Variants in RYR1 observed in about 807,000 individuals in gnomAD.
RYR1 encodes the protein ryanodine receptor 1.
Under a neutral mutation model 583.5 loss-of-function variants are expected in RYR1, and 342 were observed. That is an observed-to-expected ratio of 0.59 (90% CI 0.54 to 0.64). The LOEUF (loss-of-function observed/expected upper bound fraction) is 0.64. Among genes scored for constraint, RYR1 ranks in the 30% least tolerant of loss-of-function variants. RYR1 has a pLI of 0.00. For missense variants in RYR1, 6,032 were observed against 6,917.2 expected (o/e 0.87, Z 4.54); for synonymous variants, 2,791 against 2,822.5 (o/e 0.99, Z 0.35).
At position 38,437,448 on chromosome 19, in the gene RYR1, T is replaced by C. The variant is rs1213369646; in HGVS notation, c.46-3297T>C. ...ACTCTGGCTTTGCCATTTGCCTGCTTCCTAATTTGGGGCAAGTGATTTTTA... is the reference window on the plus strand; with the variant it reads ...ACTCTGGCTTTGCCATTTGCCTGCTCCCTAATTTGGGGCAAGTGATTTTTA... On this transcript the variant is annotated intron_variant, in intron 1 of 105. Coordinates refer to ENST00000359596, the MANE Select transcript of RYR1 (RefSeq NM_000540.3). Among the ~76,000 whole-genome samples the C allele has an allele frequency of 2.0e-5, 3 of 152,158 alleles. No individual in the cohort carries two copies. The East Asian group carries it at 5.8e-4, about 29-fold the overall frequency.
intron 47 of RYR1, among the ~76,000 whole-genome samples, chr19:38,502,153 C>CT (rs1003105178): frequency 1.8e-4 from 27 of 151,942 alleles, no homozygotes; most frequent in African/African-American, 6.5e-4. Flanking sequence ...ACCCCTGTCT[C>CT]TAACAGATGA....
In RYR1 at chr19:38,523,226, C is replaced by G; in HGVS notation, c.10357C>G (p.Arg3453Gly). ...CTGCTTCCCCCACCAGAACTTCAAGCGCGAGGAGCAGAACTTTGTGGTCCA... is the reference window on the plus strand; with the variant it reads ...CTGCTTCCCCCACCAGAACTTCAAGGGCGAGGAGCAGAACTTTGTGGTCCA... ...IYWSKSHNFK[R>G]EEQNFVVQNE... The change falls in exon 69 of 106, where the codon CGC (arginine) becomes GGC (glycine). Residue 3453 changes from arginine to glycine, a missense_variant. Physicochemically the swap from Arg to Gly is moderately radical, Grantham distance 125. Coordinates refer to ENST00000359596, the MANE Select transcript of RYR1 (RefSeq NM_000540.3). The G allele has an allele frequency of 6.2e-7, 1 of 1,614,224 alleles. No homozygotes were observed. Among genetic ancestry groups the G allele is most frequent in the Non-Finnish European group, 8.5e-7 (1 of 1,180,038 alleles).
At chr19:38,566,070 G>A (rs1164818768) in intron 91 of RYR1, among the ~76,000 whole-genome samples, 1 of 151,930 alleles carries the variant, frequency 6.6e-6, no homozygotes, top group African/African-American at 2.4e-5. Flanking sequence ...GCCGGACAGA[G>A]TGCAGGGCCC....
chr19:38,434,181 C>T (rs1972323177), intron 1 of RYR1, among the ~76,000 whole-genome samples: 1 of 152,158 alleles, frequency 6.6e-6, no homozygotes. Flanking sequence ...ATCTTGGAAG[C>T]AGGCACTTGG....
At chr19:38,538,044 C>T in intron 84 of RYR1, 84 bp downstream of exon 84, 1 of 1,275,084 alleles carries the variant, frequency 7.8e-7, no homozygotes, top group Non-Finnish European at 1.1e-6. Context: ...TTCCGCCCCT[C>T]CTCCTCCCCC....
intron 92 of RYR1, among the ~76,000 whole-genome samples, chr19:38,567,270 G>A (rs1973485563): frequency 6.6e-6 from 1 of 152,242 alleles, no homozygotes; most frequent in Admixed American, 6.5e-5. Context: ...AGGCTGCAGT[G>A]AGCCCTGATC....
chr19:38,567,903 A>T lies in RYR1; in HGVS notation c.13645A>T (p.Arg4549Trp), dbSNP rs1266693185. 6.2e-7 allele frequency: 1 copy of T among 1,613,582 alleles called. No individual in the cohort carries two copies. ...ATTCTGGGGAGAACTGGAGGTGCAGAGGGTGAAGTTCCTGGTAAGGATCCA... is the reference window on the plus strand; with the variant it reads ...ATTCTGGGGAGAACTGGAGGTGCAGTGGGTGAAGTTCCTGGTAAGGATCCA... Reference protein sequence around the residue: ...GEFWGELEVQRVKFLNYLSRN... With the variant: ...GEFWGELEVQWVKFLNYLSRN... Residue 4549 changes from arginine to tryptophan, a missense_variant, in exon 93 of 106, where the codon AGG (arginine) becomes TGG (tryptophan). This residue lies in a region of RYR1 where 753 missense variants were observed against 759.6 expected (regional missense o/e 0.99). Coordinates refer to ENST00000359596, the MANE Select transcript of RYR1 (RefSeq NM_000540.3).
chr19:38,504,173 C>T (rs375998144), intron 49 of RYR1, 47 bp from the exon 50 acceptor site: 17 of 1,576,732 alleles, frequency 1.1e-5, no homozygotes, highest in East Asian at 7.0e-5. Flanking sequence ...GCCTGCCATT[C>T]GCTGGTGCCC....
In RYR1 at chr19:38,512,234, T is replaced by G. The variant is rs750322384; in HGVS notation, c.9234-11T>G. 3.3e-5 allele frequency: 54 copies of G among 1,614,188 alleles called. No homozygotes were observed. The highest frequency in any genetic ancestry group is 4.5e-5 in the Non-Finnish European group (53 of 1,180,016). On this transcript the variant is annotated splice_polypyrimidine_tract_variant and intron_variant, in intron 62 of 105. Coordinates refer to ENST00000359596, the MANE Select transcript of RYR1 (RefSeq NM_000540.3). The surrounding 1 kb of genome is among the most constrained non-coding windows in gnomAD (Gnocchi z 5.1). Reference sequence around the variant, plus strand: ...GATTCCAGAGCTGATGTTCCCCCGCTGCCCTTCTAGGACAGTGATGAAGTC... The same window carrying G: ...GATTCCAGAGCTGATGTTCCCCCGCGGCCCTTCTAGGACAGTGATGAAGTC...
At chr19:38,528,083 C>A (rs745578803) in intron 73 of RYR1, 2 of 633,812 alleles carry the variant, frequency 3.2e-6, no homozygotes, top group South Asian at 3.7e-5. Context: ...TTGGTCGTGG[C>A]CTGGCTCGTG....
In RYR1 at chr19:38,442,426, G is replaced by C. The variant is rs1972735146; in HGVS notation, c.243G>C (p.Leu81=). ...CTGTGCGAGCCCTGCAGGAGATGCT[G>C]GCTAACACGGTGGAGGCTGGCGTGG... is the stretch of plus-strand genomic sequence containing the variant. ...SLSVRALQEM[L]ANTVEAGVES... Residue 81 remains leucine (L), a synonymous_variant, in exon 3 of 106, where the codon CTG becomes CTC. Transcript: ENST00000359596. 1 of 1,613,586 alleles carries C rather than the reference G, an allele frequency of 6.2e-7. No individual in the cohort carries two copies. The highest frequency in any genetic ancestry group is 8.5e-7 in the Non-Finnish European group (1 of 1,179,710).
intron 97 of RYR1, 52 bp from the exon 98 acceptor site, chr19:38,577,866 C>T (rs1377679659): frequency 6.2e-7 from 1 of 1,611,322 alleles, no homozygotes; most frequent in Non-Finnish European, 8.5e-7. Context: ...CAGGCCACGA[C>T]ACACACCCAC....
Position 38,573,163 on chromosome 19 carries a change from C to T in RYR1, c.13999-14C>T. The T allele has an allele frequency of 1.2e-6, 2 of 1,613,658 alleles. No individual in the cohort carries two copies. Among genetic ancestry groups the T allele is most frequent in the South Asian group, 1.1e-5 (1 of 91,080 alleles). ...GTGCCTGACGCCCACCTTTGGCCTC[C>T]TCCCACTATCCAGGTGCCCCTGGTA... On this transcript the variant is annotated splice_polypyrimidine_tract_variant and intron_variant, in intron 95 of 105. Transcript: ENST00000359596.
In RYR1 at chr19:38,469,084, T is replaced by C; in HGVS notation, c.3500T>C (p.Val1167Ala). The C allele has an allele frequency of 6.2e-7, 1 of 1,614,054 alleles. No individual in the cohort carries two copies. Among genetic ancestry groups the C allele is most frequent in the Non-Finnish European group, 8.5e-7 (1 of 1,180,022 alleles). ...ATTATCTTCACCCTCAATGGCGAGG[T>C]CCTCATGTCTGACTCAGGCTCCGAA... ...NTIIFTLNGE[V>A]LMSDSGSETA... Residue 1167 changes from valine to alanine, a missense_variant, in exon 26 of 106, where the codon GTC (valine) becomes GCC (alanine). By Grantham distance (64) the Val-to-Ala change is moderately conservative. Coordinates refer to ENST00000359596, the MANE Select transcript of RYR1 (RefSeq NM_000540.3).
At chr19:38,570,394 G>A (rs1973660964) in intron 93 of RYR1, among the ~76,000 whole-genome samples, 2 of 152,194 alleles carry the variant, frequency 1.3e-5, no homozygotes, top group African/African-American at 4.8e-5. Context: ...AGAGGTTGCA[G>A]TGAGCCAAGA....
chr19:38,563,308 C>A (rs1021153796), intron 90 of RYR1, among the ~76,000 whole-genome samples: 6 of 152,214 alleles, frequency 3.9e-5, no homozygotes, highest in Non-Finnish European at 7.3e-5. Flanking sequence ...TCTTGTTGAC[C>A]AGGCTGGAGT....
At chr19:38,447,671 G>A (rs1409494679) in intron 9 of RYR1, among the ~76,000 whole-genome samples, 6 of 151,722 alleles carry the variant, frequency 4.0e-5, no homozygotes, top group Non-Finnish European at 7.4e-5. Context: ...GTGAAACCCC[G>A]TCTCCACTAA....
chr19:38,506,842 C>T lies in RYR1; in HGVS notation c.8706C>T (p.His2902=). ...QELEAKGGGT[H]PLLVPYDTLT... ...TTGCCTCCCCAGGCGGTGGGACCCACCCCCTGCTGGTCCCCTACGACACGC... is the reference window on the plus strand; with the variant it reads ...TTGCCTCCCCAGGCGGTGGGACCCATCCCCTGCTGGTCCCCTACGACACGC... Residue 2902 remains histidine, a synonymous_variant, in exon 57 of 106, where the codon CAC becomes CAT. Transcript: ENST00000359596. The T allele has an allele frequency of 6.2e-7, 1 of 1,613,902 alleles. No homozygotes were observed. Among genetic ancestry groups the T allele is most frequent in the Admixed American group, 1.7e-5 (1 of 60,006 alleles).
chr19:38,581,752 C>T (rs764987971), intron 101 of RYR1, among the ~76,000 whole-genome samples: 1 of 152,048 alleles, frequency 6.6e-6, no homozygotes, highest in Non-Finnish European at 1.5e-5. Flanking sequence ...GCGCACACTA[C>T]CACACCCAGC....
Sources: allele counts gnomAD v4.1 joint callset (sites outside exome capture counted in the v4.1 genomes callset), GRCh38; gene constraint gnomAD v4.1.1; regional missense constraint gnomAD v4.1.1; non-coding constraint Gnocchi (gnomAD v3.1); transcripts MANE v1.5; gene names NCBI Gene and HGNC (gene_info 2026-07-23, HGNC 2026-07-21).